NEDD4: variants seen among roughly 807,000 people sequenced by gnomAD.
The protein encoded by NEDD4 is E3 ubiquitin-protein ligase NEDD4.
A neutral mutation model predicts 144.9 loss-of-function variants in NEDD4; 99 were observed. The observed-to-expected ratio is 0.68, with a 90% confidence interval of 0.58 to 0.81. NEDD4 has a LOEUF of 0.81. NEDD4 is among the 30% of genes least tolerant of loss of function. NEDD4 has a pLI of 0.00. For missense variants in NEDD4, 985 were observed against 1,065.9 expected, an observed-to-expected ratio of 0.92 and a Z score of 1.06; for synonymous variants, 318 against 350.6, an observed-to-expected ratio of 0.91 and a Z score of 1.04.
intron 4 of NEDD4, among the ~76,000 whole-genome samples, chr15:55,940,567 T>C (rs1401192489): frequency 6.6e-6 from 1 of 151,492 alleles, no homozygotes; most frequent in Non-Finnish European, 1.5e-5. Context: ...TCTCTCTGTC[T>C]CTTTCTTTTG....
chr15:55,915,247 T>C lies in NEDD4; in HGVS notation c.291+9399A>G. The C allele has an allele frequency of 2.0e-6, 3 of 1,501,260 alleles. No individual in the cohort carries two copies. In the South Asian group the frequency reaches 4.1e-5, roughly 21 times the overall value. 93.0% of individuals were successfully genotyped at this position (1,501,260 alleles called of 1,614,324 possible). Reference sequence around the variant, plus strand: ...CAAATATTTCATTAAGTTATTCTCATATAAATTAACATTTACCAAGACCAA... The same window carrying C: ...CAAATATTTCATTAAGTTATTCTCACATAAATTAACATTTACCAAGACCAA... On this transcript the variant is annotated intron_variant, in intron 5 of 28. Coordinates refer to ENST00000435532, the MANE Select transcript of NEDD4 (RefSeq NM_006154.4).
chr15:55,992,925 C>T (rs561860618), intron 1 of NEDD4, among the ~76,000 whole-genome samples: 8 of 152,210 alleles, frequency 5.3e-5, no homozygotes, highest in Non-Finnish European at 1.0e-4. Flanking sequence ...ACACTAGACA[C>T]TTGTTGCTAA....
chr15:55,979,272 G>A (rs2037757284), intron 1 of NEDD4, among the ~76,000 whole-genome samples: 1 of 145,012 alleles, frequency 6.9e-6, no homozygotes, highest in South Asian at 2.2e-4. Context: ...AGCACACACA[G>A]AAAGATTAGA....
At chr15:55,861,869 C>T (rs1433158227) in intron 9 of NEDD4, among the ~76,000 whole-genome samples, 10 of 151,922 alleles carry the variant, frequency 6.6e-5, no homozygotes, top group African/African-American at 2.4e-4. Flanking sequence ...CTTACTGTAC[C>T]GTAGCTAAAG....
intron 4 of NEDD4, among the ~76,000 whole-genome samples, chr15:55,944,803 A>AGCAATATTTGCTGTTTT (rs778160604): frequency 7.5e-4 from 114 of 152,306 alleles, no homozygotes; most frequent in Non-Finnish European, 1.1e-3. Flanking sequence ...AGGATGAGGC[A>AGCAATATTTGCTGTTTT]GCAATATTTG....
rs141916786 is a variant in NEDD4 at position 55,842,096 on chromosome 15, C to G, written c.1676G>C (p.Arg559Thr). 2 of 1,614,028 alleles carry G rather than the reference C, an allele frequency of 1.2e-6. No homozygotes were observed. Among genetic ancestry groups the G allele is most frequent in the Non-Finnish European group, 1.7e-6 (2 of 1,180,034 alleles). Reference sequence around the variant, plus strand: ...GTCTGCTCTCTTGACACCCATAATTCTCCGGTAAGAGTCTTCAAGAACAGT... The same window carrying G: ...GTCTGCTCTCTTGACACCCATAATTGTCCGGTAAGAGTCTTCAAGAACAGT... ...RATVLEDSYRRIMGVKRADFL... is the reference protein window; with the variant it reads ...RATVLEDSYRTIMGVKRADFL... Residue 559 changes from arginine to threonine, a missense_variant, in exon 19 of 29, where the codon AGA (arginine) becomes ACA (threonine). Transcript: ENST00000435532.
intron 5 of NEDD4, among the ~76,000 whole-genome samples, chr15:55,885,890 A>G (rs2142104316): frequency 6.6e-6 from 1 of 152,176 alleles, no homozygotes. Context: ...GCTCCAATCA[A>G]AAGACATACA....
chr15:55,848,288 G>A, intron 17 of NEDD4, 84 bp downstream of exon 17: 2 of 1,307,386 alleles, frequency 1.5e-6, no homozygotes, highest in Non-Finnish European at 2.2e-6. Context: ...CTCAATGCCT[G>A]TAGGGTTATG....
chr15:55,888,580 T>G (rs1264255020), intron 5 of NEDD4, among the ~76,000 whole-genome samples: 1 of 152,148 alleles, frequency 6.6e-6, no homozygotes, highest in African/African-American at 2.4e-5. Flanking sequence ...CAATGACATT[T>G]TTCACAGAAA....
chr15:55,989,399 T>C (rs2037952255), intron 1 of NEDD4, among the ~76,000 whole-genome samples: 1 of 152,154 alleles, frequency 6.6e-6, no homozygotes, highest in African/African-American at 2.4e-5. Context: ...TTGGGAGAAA[T>C]TACTAATACA....
At chr15:55,847,123 G>A in intron 17 of NEDD4, 89 bp from the exon 18 acceptor site, 14 of 679,508 alleles carry the variant, frequency 2.1e-5, no homozygotes, top group South Asian at 7.0e-5. Context: ...TGAACGTAAG[G>A]GCATTAAAAG....
At chr15:55,876,424 G>A (rs1032870043) in intron 5 of NEDD4, among the ~76,000 whole-genome samples, 1 of 151,368 alleles carries the variant, frequency 6.6e-6, no homozygotes, top group Admixed American at 6.6e-5. Flanking sequence ...AAATTGTATC[G>A]CTATACTATG....
chr15:55,872,575 T>C (rs1310388545), intron 6 of NEDD4, 99 bp from the exon 7 acceptor site: 4 of 430,074 alleles, frequency 9.3e-6, no homozygotes, highest in African/African-American at 8.3e-5. Context: ...ATAATTTAAG[T>C]TGGAAGTGAG....
At chr15:55,835,467 A>G (rs1440524519) in intron 24 of NEDD4, among the ~76,000 whole-genome samples, 1 of 148,106 alleles carries the variant, frequency 6.8e-6, no homozygotes, top group Non-Finnish European at 1.5e-5. Context: ...CCATTTATAA[A>G]CCATCCATTC....
chr15:55,902,328 C>T (rs1343095166), intron 5 of NEDD4, among the ~76,000 whole-genome samples: 1 of 152,102 alleles, frequency 6.6e-6, no homozygotes, highest in East Asian at 1.9e-4. Flanking sequence ...ACTAAAATGA[C>T]ATAGTGACTT....
At chr15:55,928,072 C>T (rs947528943) in intron 4 of NEDD4, among the ~76,000 whole-genome samples, 2 of 152,074 alleles carry the variant, frequency 1.3e-5, no homozygotes, top group Non-Finnish European at 2.9e-5. Flanking sequence ...TACAGTGGTG[C>T]AATCCCAACT....
chr15:55,883,688 C>G (rs879295452), intron 5 of NEDD4, among the ~76,000 whole-genome samples: 1 of 82,502 alleles, frequency 1.2e-5, no homozygotes, highest in African/African-American at 5.0e-5. Flanking sequence ...AACACACACA[C>G]ACACACAAAC....
chr15:55,889,126 C>A (rs2035483307), intron 5 of NEDD4, among the ~76,000 whole-genome samples: 1 of 152,104 alleles, frequency 6.6e-6, no homozygotes, highest in South Asian at 2.1e-4. Context: ...AGCTTTTGCA[C>A]AGCCCACAAT....
intron 4 of NEDD4, among the ~76,000 whole-genome samples, chr15:55,929,828 A>G (rs1949040603): frequency 6.6e-6 from 1 of 152,198 alleles, no homozygotes; most frequent in South Asian, 2.1e-4. Flanking sequence ...TTTAAAAACT[A>G]TAAGGAGTAT....
Sources: allele counts gnomAD v4.1 joint callset (sites outside exome capture counted in the v4.1 genomes callset), GRCh38; gene constraint gnomAD v4.1.1; transcripts MANE v1.5; gene names NCBI Gene and HGNC (gene_info 2026-07-23, HGNC 2026-07-21).